ULK4: variants seen among roughly 807,000 people sequenced by gnomAD.
The protein encoded by ULK4 is unc-51 like kinase 4.
ULK4 carries 133 observed loss-of-function variants against 160.6 expected under a neutral mutation model. The observed-to-expected ratio is 0.83, with a 90% CI of 0.72 to 0.96. The LOEUF (loss-of-function observed/expected upper bound fraction) is 0.96. ULK4 is among the 40% of genes least tolerant of loss of function. The probability of loss-of-function intolerance (pLI) is 0.00; values close to 1 mark genes in which losing one functional copy is unlikely to be tolerated. For synonymous variants in ULK4, 534 were observed against 539.8 expected (o/e 0.99, Z 0.15); for missense variants, 1,580 against 1,499.5 (o/e 1.05, Z -0.89).
At chr3:41,760,845 A>AGT (rs2125906221) in intron 21 of ULK4, among the ~76,000 whole-genome samples, 1 of 152,322 alleles carries the variant, frequency 6.6e-6, no homozygotes, top group South Asian at 2.1e-4. Flanking sequence ...AACCAAAAAC[A>AGT]GTCCACATGT....
intron 23 of ULK4, 119 bp from the exon 24 acceptor site, chr3:41,715,687 G>A (rs2037243141): frequency 3.8e-6 from 5 of 1,301,350 alleles, no homozygotes; most frequent in Non-Finnish European, 5.2e-6. Context: ...AATAAAATAA[G>A]CAGATATACT....
At chr3:41,630,500 C>T (rs1194999662) in intron 30 of ULK4, among the ~76,000 whole-genome samples, 1 of 152,194 alleles carries the variant, frequency 6.6e-6, no homozygotes, top group African/African-American at 2.4e-5. Flanking sequence ...ATCTCTTGGA[C>T]TTCTCTGTCT....
At chr3:41,801,543 A>AC (rs1173405065) in intron 19 of ULK4, among the ~76,000 whole-genome samples, 2 of 151,878 alleles carry the variant, frequency 1.3e-5, no homozygotes, top group African/African-American at 4.8e-5. Context: ...AAAAAAAAAA[A>AC]AAGGAATAAA....
At chr3:41,493,806 C>T (rs1381566485) in intron 32 of ULK4, among the ~76,000 whole-genome samples, 1 of 147,172 alleles carries the variant, frequency 6.8e-6, no homozygotes, top group African/African-American at 2.5e-5. Context: ...AACACCTCTA[C>T]ACAAATAAAC....
At chr3:41,345,725 G>A (rs61364781) in intron 35 of ULK4, among the ~76,000 whole-genome samples, 32,302 of 151,934 alleles carry the variant, frequency 0.21, 3,581 homozygotes, top group Middle Eastern at 0.3. Flanking sequence ...AACCACTATG[G>A]CACACATTTA....
intron 1 of ULK4, among the ~76,000 whole-genome samples, chr3:41,960,976 CT>C (rs1388333805): frequency 6.6e-6 from 1 of 152,190 alleles, no homozygotes; most frequent in African/African-American, 2.4e-5. Flanking sequence ...TAACCACCCC[CT>C]GACTTTCGTA....
intron 11 of ULK4, among the ~76,000 whole-genome samples, chr3:41,909,991 G>C (rs1698722356): frequency 6.6e-6 from 1 of 152,066 alleles, no homozygotes; most frequent in Non-Finnish European, 1.5e-5. Flanking sequence ...CCACCACCCG[G>C]GTTCAAGTGA....
intron 2 of ULK4, among the ~76,000 whole-genome samples, chr3:41,951,809 A>G (rs1474235409): frequency 1.3e-5 from 2 of 152,176 alleles, no homozygotes; most frequent in Non-Finnish European, 2.9e-5. Flanking sequence ...TGTCCTTAGA[A>G]TACAGCCATA....
intron 17 of ULK4, among the ~76,000 whole-genome samples, chr3:41,844,665 C>T (rs1441760222): frequency 6.6e-6 from 1 of 152,160 alleles, no homozygotes; most frequent in Non-Finnish European, 1.5e-5. Context: ...AGTGGGAGCC[C>T]AGGCAGAGGA....
intron 31 of ULK4, among the ~76,000 whole-genome samples, chr3:41,603,175 T>C (rs936116563): frequency 7.2e-5 from 11 of 152,012 alleles, no homozygotes; most frequent in African/African-American, 2.4e-4. Flanking sequence ...GGTCTGGCTA[T>C]ACTGATATCA....
intron 5 of ULK4, among the ~76,000 whole-genome samples, chr3:41,923,255 T>G (rs1396946498): frequency 6.6e-6 from 1 of 151,450 alleles, no homozygotes; most frequent in Non-Finnish European, 1.5e-5. Context: ...TCCCAACACT[T>G]TGGGAGGCTG....
chr3:41,260,021 C>A (rs2078911009), intron 35 of ULK4: 1 of 152,154 alleles, frequency 6.6e-6, no homozygotes, highest in South Asian at 2.1e-4. Flanking sequence ...CTCATAAATA[C>A]AAGTAAAAAC....
chr3:41,803,234 G>A (rs760979913), intron 19 of ULK4, among the ~76,000 whole-genome samples: 1 of 151,784 alleles, frequency 6.6e-6, no homozygotes, highest in South Asian at 2.1e-4. Flanking sequence ...AAGGACATTG[G>A]ATAACACTAT....
intron 33 of ULK4, among the ~76,000 whole-genome samples, chr3:41,457,370 A>C (rs73828041): frequency 0.012 from 1,800 of 152,278 alleles, 30 homozygotes; most frequent in African/African-American, 0.041. Context: ...CATACGTCAT[A>C]GTCGCCAAGA....
intron 32 of ULK4, among the ~76,000 whole-genome samples, chr3:41,544,018 A>T (rs1414512294): frequency 6.6e-6 from 1 of 152,166 alleles, no homozygotes; most frequent in Non-Finnish European, 1.5e-5. Flanking sequence ...TAAATCCAAC[A>T]TATTGGTCCT....
intron 17 of ULK4, among the ~76,000 whole-genome samples, chr3:41,839,888 T>C (rs991072572): frequency 6.6e-6 from 1 of 152,174 alleles, no homozygotes; most frequent in Non-Finnish European, 1.5e-5. Context: ...ACAGGATTTG[T>C]ATGCTGAAAC....
At chr3:41,942,206 AAAT>A (rs1425653134) in intron 2 of ULK4, among the ~76,000 whole-genome samples, 2 of 152,186 alleles carry the variant, frequency 1.3e-5, no homozygotes, top group African/African-American at 4.8e-5. Flanking sequence ...TCATACCAAA[AAAT>A]AATAATATCT....
chr3:41,676,609 C>A (rs2035724090), intron 29 of ULK4, among the ~76,000 whole-genome samples: 1 of 151,802 alleles, frequency 6.6e-6, no homozygotes, highest in African/African-American at 2.4e-5. Flanking sequence ...AAAAAAAATT[C>A]TGAAATTCTT....
intron 32 of ULK4, among the ~76,000 whole-genome samples, chr3:41,530,931 T>C (rs954729519): frequency 1.3e-5 from 2 of 151,492 alleles, no homozygotes; most frequent in East Asian, 2.0e-4. Flanking sequence ...GCCCAGCTAA[T>C]TTTTGTATTT....
Sources: gnomAD v4.1 joint callset for allele counts (sites outside exome capture counted in the v4.1 genomes callset) on GRCh38, gnomAD v4.1.1 for gene constraint, MANE v1.5 for transcripts, NCBI Gene and HGNC (gene_info 2026-07-23, HGNC 2026-07-21) for gene names.